SPAG9: variants seen among roughly 807,000 people sequenced by gnomAD.
SPAG9 encodes the protein sperm associated antigen 9.
Under a neutral mutation model 166.5 loss-of-function variants are expected in SPAG9, and 35 were observed. The observed-to-expected ratio is 0.21, with a 90% confidence interval of 0.16 to 0.28. The LOEUF (loss-of-function observed/expected upper bound fraction) is 0.28, where lower values mean the gene tolerates loss of function less well. Among genes scored for constraint, SPAG9 ranks in the 10% least tolerant of loss-of-function variants. SPAG9 has a pLI of 1.00. For missense variants in SPAG9, 1,235 were observed against 1,603.3 expected, an observed-to-expected ratio of 0.77 and a Z score of 3.92; for synonymous variants, 534 against 565.5, an observed-to-expected ratio of 0.94 and a Z score of 0.79.
chr17:51,017,765 C>T (rs550425129), intron 8 of SPAG9, among the ~76,000 whole-genome samples: 1 of 152,188 alleles, frequency 6.6e-6, no homozygotes, highest in African/African-American at 2.4e-5. Context: ...AATGATTTAT[C>T]ATATATTGAT....
rs368035905 is a variant in SPAG9 at position 50,990,556 on chromosome 17, G to A, written c.2511C>T (p.Ser837=). The change falls in exon 20 of 30, where the codon AGC becomes AGT. Residue 837 remains serine, a synonymous_variant. Transcript: ENST00000262013. ...MTSNSSAETD[S]LLGGITVVGC... is the part of the protein sequence containing the mutation. Reference sequence around the variant, plus strand: ...CAACCACTGTGATGCCTCCTAACAGGCTGTCTGTCTCTGCTGAGCTGTTGC... The same window carrying A: ...CAACCACTGTGATGCCTCCTAACAGACTGTCTGTCTCTGCTGAGCTGTTGC... 6.8e-6 allele frequency: 11 copies of A among 1,613,962 alleles called. No homozygotes were observed. The African/African-American group carries it at 1.1e-4, about 16-fold the overall frequency.
intron 1 of SPAG9, among the ~76,000 whole-genome samples, chr17:51,092,003 AAT>A (rs2048480420): frequency 6.7e-6 from 1 of 149,268 alleles, no homozygotes; most frequent in African/African-American, 2.5e-5. Context: ...AAAAAAAAAA[AAT>A]TCCCTAAAGG....
intron 1 of SPAG9, among the ~76,000 whole-genome samples, chr17:51,101,087 C>T (rs140369534): frequency 6.2e-4 from 95 of 152,140 alleles, no homozygotes; most frequent in African/African-American, 2.1e-3. Context: ...GTGGCTCATG[C>T]CTGTAATCCT....
chr17:51,120,538 C>G lies in SPAG9; in HGVS notation c.119G>C (p.Gly40Ala). ...SIYREFERLIGRYDEEVVKEL... is the reference protein window; with the variant it reads ...SIYREFERLIARYDEEVVKEL... ...TTTGACCACCTCCTCGTCATAGCGC[C>G]CGATAAGCCGCTCGAACTCGCGGTA... The change falls in exon 1 of 30, where the codon GGG becomes GCG. Residue 40 changes from glycine (G) to alanine (A), a missense_variant. By Grantham distance (60) the Gly-to-Ala change is moderately conservative (BLOSUM62 0). Around this residue, in one of 6 missense-constraint regions of SPAG9, gnomAD observed 83 missense variants for 149.8 expected, o/e 0.55. Coordinates refer to ENST00000262013, the MANE Select transcript of SPAG9 (RefSeq NM_001130528.3). The surrounding 1 kb of genome is among the most constrained non-coding windows in gnomAD (Gnocchi z 4.7). 1 of 1,613,964 alleles carries G rather than the reference C, an allele frequency of 6.2e-7. No individual in the cohort carries two copies. Among genetic ancestry groups the G allele is most frequent in the Non-Finnish European group, 8.5e-7 (1 of 1,179,908 alleles).
rs1343088878 is a variant in SPAG9 at position 51,086,054 on chromosome 17, C to T, written c.304-6350G>A. 2.7e-5 allele frequency among the ~76,000 whole-genome samples: 4 copies of T among 149,362 alleles called. No homozygotes were observed. In the Admixed American group the frequency reaches 2.7e-4, roughly 10 times the overall value. On this transcript the variant is annotated intron_variant, in intron 1 of 29. Coordinates refer to ENST00000262013, the MANE Select transcript of SPAG9 (RefSeq NM_001130528.3). ...TGCAATCTCAGCTCACTGCAACCTC[C>T]ACCTCTTGGGTTCAAGCAGTTCTCG...
chr17:51,048,661 T>C (rs1290160733), intron 3 of SPAG9, among the ~76,000 whole-genome samples: 1 of 152,174 alleles, frequency 6.6e-6, no homozygotes, highest in Non-Finnish European at 1.5e-5. Flanking sequence ...GCTTTTGTTG[T>C]AGAAATTTTA....
intron 6 of SPAG9, among the ~76,000 whole-genome samples, chr17:51,023,858 G>A (rs2046044861): frequency 6.6e-6 from 1 of 152,178 alleles, no homozygotes; most frequent in Admixed American, 6.5e-5. Context: ...TACAGACGGA[G>A]TTTTGCCACG....
At chr17:50,991,923 CTTTTTTTT>C (rs1023810785) in intron 19 of SPAG9, among the ~76,000 whole-genome samples, 1 of 63,316 alleles carries the variant, frequency 1.6e-5, no homozygotes, top group Non-Finnish European at 2.8e-5. Flanking sequence ...CATGCCAGGT[CTTTTTTTT>C]TTTTTTTTTT....
intron 12 of SPAG9, among the ~76,000 whole-genome samples, chr17:51,002,778 CAACAAA>C (rs2045016533): frequency 6.6e-6 from 1 of 151,592 alleles, no homozygotes; most frequent in Non-Finnish European, 1.5e-5. Flanking sequence ...ACAACAACAA[CAACAAA>C]AACAACAACA....
At chr17:51,045,218 C>T (rs1014862274) in intron 4 of SPAG9, among the ~76,000 whole-genome samples, 1 of 152,146 alleles carries the variant, frequency 6.6e-6, no homozygotes, top group African/African-American at 2.4e-5. Context: ...CGCCGCACAG[C>T]AGCTCACGGC....
intron 1 of SPAG9, among the ~76,000 whole-genome samples, chr17:51,115,971 C>G (rs529871456): frequency 1.3e-5 from 2 of 152,220 alleles, no homozygotes; most frequent in Non-Finnish European, 2.9e-5. Flanking sequence ...CATAAAAGAC[C>G]CACAGAATCA....
intron 2 of SPAG9, among the ~76,000 whole-genome samples, chr17:51,066,944 T>C (rs1465567919): frequency 6.6e-6 from 1 of 152,192 alleles, no homozygotes; most frequent in Non-Finnish European, 1.5e-5. Context: ...TCTGAATGTT[T>C]TTCTGGTGGT....
rs35291018 is a variant in SPAG9, at chr17:51,099,099, CAAAAA to C, written c.304-19400_304-19396del. On this transcript the variant is annotated intron_variant, in intron 1 of 29. Transcript: ENST00000262013. ...TGGGTGACAGAGCGAGACTCCGTCT[CAAAAA>C]AAAAAAAAAAAAAAAGAATATGATG... 4.2e-3 allele frequency among the ~76,000 whole-genome samples: 194 copies of C among 45,974 alleles called. 1 individual carries two copies. Among genetic ancestry groups the C allele is most frequent in the Non-Finnish European group, 1.9e-3 (41 of 21,158 alleles). 30.2% of individuals were successfully genotyped at this position (45,974 alleles called of 152,430 possible). A position where few individuals can be genotyped will look rare whatever the true frequency, so the allele number is the denominator to read the frequency against.
chr17:51,066,517 T>G (rs1321797292), intron 2 of SPAG9, among the ~76,000 whole-genome samples: 13 of 130,668 alleles, frequency 9.9e-5, no homozygotes, highest in Non-Finnish European at 9.2e-5. Context: ...ATCATGCCAT[T>G]GCACTCCAGG....
At chr17:51,118,540 C>T (rs1377569023) in intron 1 of SPAG9, among the ~76,000 whole-genome samples, 2 of 152,184 alleles carry the variant, frequency 1.3e-5, no homozygotes, top group Non-Finnish European at 2.9e-5. Context: ...GTCAGGCTTG[C>T]TTGTCACCTG....
intron 1 of SPAG9, among the ~76,000 whole-genome samples, chr17:51,104,037 A>G (rs961439590): frequency 6.6e-6 from 1 of 152,208 alleles, no homozygotes; most frequent in African/African-American, 2.4e-5. Flanking sequence ...GTTGAAAACA[A>G]AAGAAAGCAG....
rs184394915 is a variant in SPAG9, at chr17:51,003,977, C to G, written c.1476+1235G>C. ...AGGAAAATAAATACATAAATTGTGA[C>G]TATTCATTCAATGGGATATCATAAA... On this transcript the variant is annotated intron_variant, in intron 12 of 29. Transcript: ENST00000262013. Among the ~76,000 whole-genome samples, 69 of 152,276 alleles carry G rather than the reference C, an allele frequency of 4.5e-4. No homozygotes were observed. The East Asian group carries it at 0.012, about 27-fold the overall frequency.
intron 16 of SPAG9, 146 bp from the exon 17 acceptor site, chr17:50,995,679 T>A: frequency 1.6e-6 from 1 of 623,694 alleles, no homozygotes; most frequent in East Asian, 2.8e-5. Flanking sequence ...TTTTTGTTTT[T>A]TTGAGACAGG....
chr17:51,040,197 A>G (rs2046780516), intron 5 of SPAG9, among the ~76,000 whole-genome samples: 1 of 150,536 alleles, frequency 6.6e-6, no homozygotes, highest in African/African-American at 2.4e-5. Flanking sequence ...AAATGAGCTG[A>G]GATCTCACCA....
Sources: allele counts gnomAD v4.1 joint callset (sites outside exome capture counted in the v4.1 genomes callset), GRCh38; gene constraint gnomAD v4.1.1; regional missense constraint gnomAD v4.1.1; non-coding constraint Gnocchi (gnomAD v3.1); transcripts MANE v1.5; gene names NCBI Gene and HGNC (gene_info 2026-07-23, HGNC 2026-07-21).